PLCB1: variants seen among roughly 807,000 people sequenced by gnomAD.
PLCB1 encodes phospholipase C beta 1, also known as 1-phosphatidylinositol 4,5-bisphosphate phosphodiesterase beta-1.
Under a neutral mutation model 161.8 loss-of-function variants are expected in PLCB1, and 46 were observed. That is an observed-to-expected ratio of 0.28 (90% CI 0.22 to 0.36). PLCB1 has a LOEUF of 0.36. Among genes scored for constraint, PLCB1 ranks in the 10% least tolerant of loss-of-function variants. PLCB1 has a pLI of 1.00. For synonymous variants in PLCB1, 517 were observed against 503.7 expected (o/e 1.03, Z -0.35); for missense variants, 1,016 against 1,472.5 (o/e 0.69, Z 5.07).
intron 31 of PLCB1, among the ~76,000 whole-genome samples, chr20:8,838,100 A>G (rs953266250): frequency 6.6e-6 from 1 of 152,126 alleles, no homozygotes; most frequent in Non-Finnish European, 1.5e-5. Context: ...TATTACCTGA[A>G]TCATGAAAGC....
chr20:8,821,089 A>G (rs1340075447), intron 31 of PLCB1, among the ~76,000 whole-genome samples: 1 of 152,174 alleles, frequency 6.6e-6, no homozygotes, highest in Non-Finnish European at 1.5e-5. Context: ...AATGTTCTTT[A>G]TATCTTATGA....
intron 3 of PLCB1, among the ~76,000 whole-genome samples, chr20:8,490,801 A>G (rs529595543): frequency 6.6e-6 from 1 of 151,650 alleles, no homozygotes; most frequent in Admixed American, 6.6e-5. Flanking sequence ...TGCTGATTTT[A>G]GGAGAATAGT....
At chr20:8,351,807 T>G (rs764167704) in intron 2 of PLCB1, among the ~76,000 whole-genome samples, 5 of 151,998 alleles carry the variant, frequency 3.3e-5, no homozygotes, top group Non-Finnish European at 4.4e-5. Flanking sequence ...TACACACTAT[T>G]AAAATAGCTA....
chr20:8,217,017 C>T (rs1979171625), intron 2 of PLCB1, among the ~76,000 whole-genome samples: 2 of 152,130 alleles, frequency 1.3e-5, no homozygotes, highest in African/African-American at 4.8e-5. Flanking sequence ...TGCTTTGTCA[C>T]TCACCTTCTC....
intron 3 of PLCB1, among the ~76,000 whole-genome samples, chr20:8,391,984 TGGAGTATATCA>T (rs1457890095): frequency 1.3e-5 from 2 of 151,864 alleles, no homozygotes; most frequent in Non-Finnish European, 2.9e-5. Flanking sequence ...TCTGAAAATA[TGGAGTATATCA>T]TTACAATTCC....
chr20:8,364,054 A>C (rs1986627202), intron 2 of PLCB1, among the ~76,000 whole-genome samples: 1 of 152,124 alleles, frequency 6.6e-6, no homozygotes. Context: ...ATCAATAATA[A>C]TTTCTCAGTT....
chr20:8,844,768 C>T (rs1402939291), intron 31 of PLCB1, among the ~76,000 whole-genome samples: 4 of 152,098 alleles, frequency 2.6e-5, no homozygotes, highest in African/African-American at 7.2e-5. Context: ...ATCATCTTTC[C>T]TTTTATCCTC....
intron 9 of PLCB1, among the ~76,000 whole-genome samples, chr20:8,670,329 G>A (rs1410124214): frequency 2.0e-5 from 3 of 152,164 alleles, no homozygotes; most frequent in African/African-American, 4.8e-5. Context: ...TTTGAAAAAC[G>A]GAAAGTGCTA....
chr20:8,733,507 T>C, intron 19 of PLCB1, 115 bp downstream of exon 19: 2 of 909,030 alleles, frequency 2.2e-6, no homozygotes, highest in Non-Finnish European at 3.4e-6. Flanking sequence ...TTCTACTTTC[T>C]TCCTACATTT....
chr20:8,536,204 G>A (rs1985043750), intron 3 of PLCB1, among the ~76,000 whole-genome samples: 2 of 152,106 alleles, frequency 1.3e-5, no homozygotes, highest in African/African-American at 4.8e-5. Flanking sequence ...GTGTTTTCCA[G>A]AGCTATTATA....
intron 31 of PLCB1, among the ~76,000 whole-genome samples, chr20:8,864,784 C>A (rs1216347225): frequency 1.3e-5 from 2 of 152,142 alleles, no homozygotes; most frequent in African/African-American, 4.8e-5. Context: ...GTAAGATTAG[C>A]TGTAGTTTTC....
At chr20:8,160,681 C>T (rs1001960447) in intron 2 of PLCB1, among the ~76,000 whole-genome samples, 15 of 152,210 alleles carry the variant, frequency 9.9e-5, no homozygotes, top group Middle Eastern at 6.8e-3. Flanking sequence ...TCCTACAACA[C>T]GGGGGAATTC....
chr20:8,586,397 G>A (rs913619081), intron 3 of PLCB1, among the ~76,000 whole-genome samples: 16 of 150,848 alleles, frequency 1.1e-4, no homozygotes, highest in African/African-American at 3.9e-4. Context: ...TCTGGATCAC[G>A]TCACCGACTC....
chr20:8,217,853 C>A (rs150923311), intron 2 of PLCB1, among the ~76,000 whole-genome samples: 1 of 152,062 alleles, frequency 6.6e-6, no homozygotes, highest in African/African-American at 2.4e-5. Flanking sequence ...GGCTCCTTTA[C>A]TCTCTTGTTC....
intron 3 of PLCB1, among the ~76,000 whole-genome samples, chr20:8,437,036 C>G (rs1251886425): frequency 6.6e-6 from 1 of 152,130 alleles, no homozygotes; most frequent in African/African-American, 2.4e-5. Context: ...GTGATCCACC[C>G]ACCTTGGCCT....
At chr20:8,528,652 T>C (rs1337582349) in intron 3 of PLCB1, among the ~76,000 whole-genome samples, 1 of 151,900 alleles carries the variant, frequency 6.6e-6, no homozygotes, top group Non-Finnish European at 1.5e-5. Context: ...AGTCCTAAAA[T>C]TGTTGAGCTG....
intron 2 of PLCB1, among the ~76,000 whole-genome samples, chr20:8,351,174 C>T (rs2175041): frequency 0.16 from 24,429 of 151,814 alleles, 2,193 homozygotes; most frequent in African/African-American, 0.19. Flanking sequence ...TAATAGCAAG[C>T]CCCCATATAG....
chr20:8,171,552 G>A (rs1378344489), intron 2 of PLCB1, among the ~76,000 whole-genome samples: 1 of 152,066 alleles, frequency 6.6e-6, no homozygotes, highest in Admixed American at 6.6e-5. Flanking sequence ...TTTTGAGTAA[G>A]TGACTTAAAC....
chr20:8,698,980 C>T (rs1990642021), intron 11 of PLCB1, among the ~76,000 whole-genome samples: 1 of 152,164 alleles, frequency 6.6e-6, no homozygotes, highest in African/African-American at 2.4e-5. Context: ...TCCACATGTC[C>T]TGCAAAGAGC....
Sources: gnomAD v4.1 joint callset for allele counts (sites outside exome capture counted in the v4.1 genomes callset) on GRCh38, gnomAD v4.1.1 for gene constraint, MANE v1.5 for transcripts, NCBI Gene and HGNC (gene_info 2026-07-23, HGNC 2026-07-21) for gene names.